Variants in EHMT1 observed in about 807,000 individuals in gnomAD.
EHMT1 encodes histone-lysine N-methyltransferase EHMT1.
In EHMT1, 15 loss-of-function variants were observed where a neutral mutation model predicts 147.2. The ratio of observed to expected loss-of-function variants is 0.10; its 90% CI spans 0.07 to 0.16. The LOEUF (loss-of-function observed/expected upper bound fraction) is 0.16, where lower values mean the gene tolerates loss of function less well. Among genes scored for constraint, EHMT1 ranks in the 10% least tolerant of loss-of-function variants. The pLI is 1.00. For synonymous variants in EHMT1, 795 were observed against 709.6 expected (o/e 1.12, Z -1.91); for missense variants, 1,587 against 1,772.4 (o/e 0.90, Z 1.88).
At chr9:137,678,634 G>A (rs530188332) in intron 1 of EHMT1, among the ~76,000 whole-genome samples, 1 of 151,890 alleles carries the variant, frequency 6.6e-6, no homozygotes, top group Non-Finnish European at 1.5e-5. Context: ...CTATATACCA[G>A]GTTTTTTTCT....
chr9:137,641,290 G>T, intron 1 of EHMT1: 2 of 444,354 alleles, frequency 4.5e-6, no homozygotes, highest in African/African-American at 2.1e-5. Flanking sequence ...GATTTCCGTG[G>T]ACTTTGAAGA....
In EHMT1 at chr9:137,754,284, T is replaced by A; in HGVS notation, c.1362T>A (p.Gly454=). The A allele has an allele frequency of 1.9e-6, 3 of 1,613,992 alleles. No individual in the cohort carries two copies. The highest frequency in any genetic ancestry group is 2.5e-6 in the Non-Finnish European group (3 of 1,179,922). The change falls in exon 8 of 27, where the codon GGT becomes GGA. Residue 454 remains glycine (G), a synonymous_variant. Transcript: ENST00000460843. The part of the protein sequence containing the change: ...RRRRSRKKPS[G]ALGSESYKSS... ...GGAGAAGTAGAAAGAAGCCCAGCGGTGCCCTCGGTAAATGCCGTGGGGGTG... is the reference window on the plus strand; with the variant it reads ...GGAGAAGTAGAAAGAAGCCCAGCGGAGCCCTCGGTAAATGCCGTGGGGGTG...
At chr9:137,715,563 C>G in intron 2 of EHMT1, 2 of 985,444 alleles carry the variant, frequency 2.0e-6, no homozygotes, top group Non-Finnish European at 2.4e-6. Flanking sequence ...GGTGGCATCT[C>G]AGGCTTGACT....
Position 137,669,343 on chromosome 9 carries a change from A to C in EHMT1, c.22-41624A>C, listed in dbSNP as rs140520771. On this transcript the variant is annotated intron_variant, in intron 1 of 26. Coordinates refer to ENST00000460843, the MANE Select transcript of EHMT1 (RefSeq NM_024757.5). ...GACGCCCCCACAGCACGTGGACCCC[A>C]CACCACCCAAGACGCTCCCACAGCA... 5.4e-4 allele frequency among the ~76,000 whole-genome samples: 4 copies of C among 7,454 alleles called. 1 individual carries two copies. Among genetic ancestry groups the C allele is most frequent in the Non-Finnish European group, 7.5e-4 (3 of 3,990 alleles). The allele number at this position is 7,454 out of a possible 152,430, so 4.9% of individuals were successfully genotyped here.
chr9:137,694,823 G>A (rs906826930), intron 1 of EHMT1, among the ~76,000 whole-genome samples: 2 of 152,230 alleles, frequency 1.3e-5, no homozygotes, highest in African/African-American at 4.8e-5. Flanking sequence ...CCATCAGCTC[G>A]GCAGGCCCAG....
In EHMT1 at chr9:137,716,704, A is replaced by T. The variant is rs755559809; in HGVS notation, c.164A>T (p.Asn55Ile). 1.9e-6 allele frequency: 3 copies of T among 1,610,334 alleles called. No individual in the cohort carries two copies. In the South Asian group the frequency reaches 3.3e-5, roughly 18 times the overall value. Residue 55 changes from asparagine to isoleucine, a missense_variant, in exon 3 of 27, where the codon AAT (asparagine) becomes ATT (isoleucine). By Grantham distance (149) the Asn-to-Ile change is moderately radical (BLOSUM62 -3). Around this residue, in one of 7 missense-constraint regions of EHMT1, gnomAD observed 810 missense variants for 673.0 expected, o/e 1.20. Transcript: ENST00000460843. ...EAHMAADGETNGSCENSDASS... is the reference protein window; with the variant it reads ...EAHMAADGETIGSCENSDASS... ...CACATGGCTGCGGACGGTGAGACCA[A>T]TGGGTCTTGTGAAAACAGCGATGCC... is the stretch of plus-strand genomic sequence containing the variant.
At chr9:137,698,727 G>C (rs1024774976) in intron 1 of EHMT1, among the ~76,000 whole-genome samples, 2 of 152,152 alleles carry the variant, frequency 1.3e-5, no homozygotes, top group South Asian at 4.1e-4. Context: ...CAGTGTCGCA[G>C]TCAACACAGT....
intron 16 of EHMT1, among the ~76,000 whole-genome samples, chr9:137,797,885 G>C (rs1279801734): frequency 6.6e-6 from 1 of 152,242 alleles, no homozygotes; most frequent in Non-Finnish European, 1.5e-5. Context: ...GGGCCTGTGT[G>C]AGGAGCACAG....
intron 1 of EHMT1, among the ~76,000 whole-genome samples, chr9:137,707,032 C>T (rs1236760961): frequency 6.6e-6 from 1 of 152,216 alleles, no homozygotes; most frequent in African/African-American, 2.4e-5. Context: ...GCCATGTTGG[C>T]CAGACTGGTC....
chr9:137,686,805 G>A (rs1210228796), intron 1 of EHMT1, among the ~76,000 whole-genome samples: 1 of 147,320 alleles, frequency 6.8e-6, no homozygotes, highest in Non-Finnish European at 1.5e-5. Flanking sequence ...ATCTCGGCTC[G>A]CTACAAGCTC....
Position 137,775,316 on chromosome 9 carries a change from G to C in EHMT1, c.1791+64G>C. 6.3e-7 allele frequency: 1 copy of C among 1,589,086 alleles called. No homozygotes were observed. The highest frequency in any genetic ancestry group is 1.7e-5 in the Admixed American group (1 of 58,902). On this transcript the variant is annotated intron_variant, in intron 11 of 26. Coordinates refer to ENST00000460843, the MANE Select transcript of EHMT1 (RefSeq NM_024757.5). The surrounding 1 kb of genome is among the most constrained non-coding windows in gnomAD (Gnocchi z 6.1). The stretch of plus-strand genomic sequence containing the variant: ...GCTTTGCTGTCTGCTCACTGGTGCT[G>C]GTTCCTGTCCTGTGTCCACCTGCTG...
In EHMT1 at chr9:137,673,592, G is replaced by T. The variant is rs200066608; in HGVS notation, c.22-37375G>T. 3.2e-4 allele frequency among the ~76,000 whole-genome samples: 49 copies of T among 152,198 alleles called. 1 individual carries two copies. The East Asian group carries it at 8.3e-3, about 26-fold the overall frequency. ...ATGTCTGTGTCCCTCCCTCAGACCC[G>T]CACTCCCAGCCTGTGCTTTACACCA... On this transcript the variant is annotated intron_variant, in intron 1 of 26. Transcript: ENST00000460843.
intron 4 of EHMT1, among the ~76,000 whole-genome samples, chr9:137,741,980 C>A (rs1031550228): frequency 6.6e-6 from 1 of 152,228 alleles, no homozygotes; most frequent in African/African-American, 2.4e-5. Flanking sequence ...ATTCCCAGGG[C>A]TACCAAGGGA....
chr9:137,775,820 C>T lies in EHMT1; in HGVS notation c.1791+568C>T, dbSNP rs979321199. 1.3e-5 allele frequency among the ~76,000 whole-genome samples: 2 copies of T among 151,798 alleles called. No individual in the cohort carries two copies. Among genetic ancestry groups the T allele is most frequent in the African/African-American group, 4.8e-5 (2 of 41,310 alleles). On this transcript the variant is annotated intron_variant, in intron 11 of 26. Coordinates refer to ENST00000460843, the MANE Select transcript of EHMT1 (RefSeq NM_024757.5). This position sits in a 1 kb window ranked among gnomAD's most constrained non-coding sequence, Gnocchi z 6.1. ...CATCTGTGCTCAGCCGTGCCCAGGG[C>T]CCCCCGAGAATGGGCTGCTTCCCTT...
chr9:137,767,435 A>C lies in EHMT1; in HGVS notation c.1647+4615A>C, dbSNP rs189420673. On this transcript the variant is annotated intron_variant, in intron 10 of 26. Transcript: ENST00000460843. ...TACAGGTTGAGTATCACTTACTCAA[A>C]ATGCTTGGGACCAGAAGTGTTTTGG... 7.9e-5 allele frequency among the ~76,000 whole-genome samples: 12 copies of C among 152,326 alleles called. No individual in the cohort carries two copies. The East Asian group carries it at 1.9e-3, about 24-fold the overall frequency.
chr9:137,761,639 AG>A (rs1191667510), intron 9 of EHMT1, among the ~76,000 whole-genome samples: 2 of 151,020 alleles, frequency 1.3e-5, no homozygotes, highest in African/African-American at 4.9e-5. Context: ...TTTTTTTTTT[AG>A]TAGAGACGGG....
chr9:137,804,975 G>T (rs1009260145), intron 18 of EHMT1, among the ~76,000 whole-genome samples: 6 of 150,890 alleles, frequency 4.0e-5, no homozygotes, highest in African/African-American at 1.5e-4. Context: ...ATGTGTGTCA[G>T]TCATCTGCAT....
intron 1 of EHMT1, among the ~76,000 whole-genome samples, chr9:137,656,767 C>T (rs143754704): frequency 1.2e-4 from 19 of 152,076 alleles, no homozygotes; most frequent in Non-Finnish European, 2.1e-4. Flanking sequence ...TTTGAGACAG[C>T]GTCTCGCTAT....
intron 18 of EHMT1, among the ~76,000 whole-genome samples, chr9:137,802,235 A>G (rs1953552613): frequency 6.6e-6 from 1 of 152,144 alleles, no homozygotes; most frequent in African/African-American, 2.4e-5. Context: ...GTCACCTCCC[A>G]AGACGGGCAT....
Sources: allele counts gnomAD v4.1 joint callset (sites outside exome capture counted in the v4.1 genomes callset), GRCh38; gene constraint gnomAD v4.1.1; regional missense constraint gnomAD v4.1.1; non-coding constraint Gnocchi (gnomAD v3.1); transcripts MANE v1.5; gene names NCBI Gene and HGNC (gene_info 2026-07-23, HGNC 2026-07-21).